Variants in SYT16 observed in about 807,000 individuals in gnomAD.
SYT16 encodes the protein synaptotagmin-16.
In SYT16, 42 loss-of-function variants were observed where a neutral mutation model predicts 61.4. The observed-to-expected ratio is 0.68, with a 90% confidence interval of 0.53 to 0.89. The LOEUF (loss-of-function observed/expected upper bound fraction) is 0.89. Among genes scored for constraint, SYT16 ranks in the 40% least tolerant of loss-of-function variants. The pLI is 0.00. For missense variants in SYT16, 804 were observed against 807.3 expected (o/e 1.00, Z 0.05); for synonymous variants, 314 against 302.3 (o/e 1.04, Z -0.40).
chr14:61,950,940 G>C (rs1341133703), intron 1 of SYT16, among the ~76,000 whole-genome samples: 1 of 152,160 alleles, frequency 6.6e-6, no homozygotes, highest in Non-Finnish European at 1.5e-5. Flanking sequence ...CATAGGAAGA[G>C]GTTCCTACTA....
At chr14:62,065,479 C>T (rs1043151766) in intron 3 of SYT16, among the ~76,000 whole-genome samples, 12 of 151,912 alleles carry the variant, frequency 7.9e-5, no homozygotes. Flanking sequence ...AGAATTTTTG[C>T]TCTGTGGATG....
chr14:61,996,532 A>C lies in SYT16; in HGVS notation c.513A>C (p.Gly171=), dbSNP rs777655325. The change falls in exon 3 of 8, where the codon GGA becomes GGC. Residue 171 remains glycine, a synonymous_variant. Coordinates refer to ENST00000683842, the MANE Select transcript of SYT16 (RefSeq NM_001367656.1). ...QLPGTLETVN[G]KKQVNSFGDD... is the part of the protein sequence containing the mutation. Reference sequence around the variant, plus strand: ...CTGGTACTTTAGAAACTGTTAATGGAAAAAAGCAAGGTAAGCTAGCCAGTC... The same window carrying C: ...CTGGTACTTTAGAAACTGTTAATGGCAAAAAGCAAGGTAAGCTAGCCAGTC... 5.0e-6 allele frequency: 8 copies of C among 1,594,452 alleles called. No individual in the cohort carries two copies. In the South Asian group the frequency reaches 7.9e-5, roughly 16 times the overall value.
At chr14:61,972,569 T>A (rs572709836) in intron 2 of SYT16, among the ~76,000 whole-genome samples, 1 of 152,202 alleles carries the variant, frequency 6.6e-6, no homozygotes, top group East Asian at 1.9e-4. Context: ...CACCTTCACT[T>A]TGACATTTCT....
At chr14:61,911,159 A>G (rs1320603715) in intron 1 of SYT16, among the ~76,000 whole-genome samples, 1 of 152,202 alleles carries the variant, frequency 6.6e-6, no homozygotes, top group East Asian at 1.9e-4. Flanking sequence ...TATCCTATGG[A>G]CAAGTATTTC....
intron 1 of SYT16, among the ~76,000 whole-genome samples, chr14:61,859,915 A>G (rs891728992): frequency 5.9e-5 from 9 of 152,182 alleles, no homozygotes; most frequent in African/African-American, 2.2e-4. Context: ...TGTTTGGAAA[A>G]GTACATTCAA....
At chr14:61,932,278 T>C (rs2049803591) in intron 1 of SYT16, among the ~76,000 whole-genome samples, 1 of 152,202 alleles carries the variant, frequency 6.6e-6, no homozygotes, top group Non-Finnish European at 1.5e-5. Flanking sequence ...ATGGCCCCCT[T>C]CAGTGTTTAC....
chr14:61,923,018 C>T (rs1233267565), intron 1 of SYT16, among the ~76,000 whole-genome samples: 2 of 148,140 alleles, frequency 1.4e-5, no homozygotes, highest in East Asian at 4.0e-4. Flanking sequence ...CATTGCACTC[C>T]AGCCTGGTCA....
chr14:61,974,897 A>G (rs529978653), intron 2 of SYT16, among the ~76,000 whole-genome samples: 4 of 152,212 alleles, frequency 2.6e-5, no homozygotes, highest in Non-Finnish European at 4.4e-5. Context: ...GAAAGGCCCA[A>G]CTGGCTGGTG....
At chr14:61,847,954 A>G (rs1454904104) in intron 1 of SYT16, among the ~76,000 whole-genome samples, 2 of 152,188 alleles carry the variant, frequency 1.3e-5, no homozygotes, top group African/African-American at 2.4e-5. Flanking sequence ...AGGATTCTGA[A>G]TTCTTCGTGT....
At chr14:61,866,931 A>G (rs768022571) in intron 1 of SYT16, among the ~76,000 whole-genome samples, 1 of 151,780 alleles carries the variant, frequency 6.6e-6, no homozygotes, top group African/African-American at 2.4e-5. Context: ...ATTTTTGCTT[A>G]TGTTGTGAGC....
chr14:61,893,577 A>G (rs1214419885), intron 1 of SYT16, among the ~76,000 whole-genome samples: 2 of 152,230 alleles, frequency 1.3e-5, no homozygotes, highest in African/African-American at 4.8e-5. Context: ...AAAGCATTCA[A>G]ATCACTTGGG....
At chr14:61,911,594 T>A (rs1457184327) in intron 1 of SYT16, among the ~76,000 whole-genome samples, 1 of 152,196 alleles carries the variant, frequency 6.6e-6, no homozygotes, top group African/African-American at 2.4e-5. Context: ...CCTATGTGTT[T>A]AAGAAAAAGC....
intron 2 of SYT16, among the ~76,000 whole-genome samples, chr14:61,972,191 C>T (rs369674464): frequency 3.0e-4 from 46 of 152,192 alleles, no homozygotes; most frequent in African/African-American, 7.0e-4. Context: ...GTAATGGCTG[C>T]GAGGAATGAC....
At chr14:61,931,756 T>G (rs921500934) in intron 1 of SYT16, among the ~76,000 whole-genome samples, 2 of 152,216 alleles carry the variant, frequency 1.3e-5, no homozygotes, top group Non-Finnish European at 2.9e-5. Flanking sequence ...GAATAAATTT[T>G]TTTTTAAATT....
intron 3 of SYT16, among the ~76,000 whole-genome samples, chr14:62,051,452 A>T (rs1261276052): frequency 1.3e-5 from 2 of 152,156 alleles, no homozygotes; most frequent in Non-Finnish European, 2.9e-5. Flanking sequence ...GCTTTGGCTC[A>T]TGTACGGTGC....
intron 1 of SYT16, among the ~76,000 whole-genome samples, chr14:61,929,296 AGTT>A (rs1432983044): frequency 6.6e-6 from 1 of 152,134 alleles, no homozygotes; most frequent in African/African-American, 2.4e-5. Flanking sequence ...TGGAGGTTTG[AGTT>A]GTTTAAATTT....
intron 1 of SYT16, among the ~76,000 whole-genome samples, chr14:61,903,471 A>G (rs529399122): frequency 6.6e-6 from 1 of 152,368 alleles, no homozygotes; most frequent in Non-Finnish European, 1.5e-5. Flanking sequence ...GTGAAAGGAA[A>G]GAAGGCGGCT....
At chr14:62,077,213 A>AACAGAAAGGCTTTCAATTTG (rs2056527961) in intron 5 of SYT16, among the ~76,000 whole-genome samples, 1 of 152,198 alleles carries the variant, frequency 6.6e-6, no homozygotes, top group Non-Finnish European at 1.5e-5. Flanking sequence ...ATCTTACTAA[A>AACAGAAAGGCTTTCAATTTG]ACAGAAAGGC....
intron 3 of SYT16, among the ~76,000 whole-genome samples, chr14:62,024,512 T>C (rs2054027314): frequency 6.6e-6 from 1 of 152,090 alleles, no homozygotes; most frequent in Non-Finnish European, 1.5e-5. Flanking sequence ...AAGTTCCCAA[T>C]AAAATTGATC....
Sources: gnomAD v4.1 joint callset for allele counts (sites outside exome capture counted in the v4.1 genomes callset) on GRCh38, gnomAD v4.1.1 for gene constraint, MANE v1.5 for transcripts, NCBI Gene and HGNC (gene_info 2026-07-23, HGNC 2026-07-21) for gene names.